Variants in SAMMSON observed in about 807,000 individuals in gnomAD.
The protein encoded by SAMMSON is survival associated mitochondrial melanoma specific oncogenic non-coding RNA.
chr3:70,234,277 A>G (rs1380319805), intron 4 of SAMMSON, among the ~76,000 whole-genome samples: 1 of 152,154 alleles, frequency 6.6e-6, no homozygotes, highest in African/African-American at 2.4e-5. Flanking sequence ...TATTTAGTCA[A>G]CTCATGTTTA....
intron 6 of SAMMSON, among the ~76,000 whole-genome samples, chr3:70,252,352 C>A (rs1051481082): frequency 2.6e-5 from 4 of 152,238 alleles, no homozygotes; most frequent in African/African-American, 9.6e-5. Context: ...ATAGGTGTCA[C>A]CCCATTTGCT....
chr3:70,177,290 G>C (rs1576144859), intron 4 of SAMMSON, among the ~76,000 whole-genome samples: 1 of 152,266 alleles, frequency 6.6e-6, no homozygotes, highest in Middle Eastern at 3.4e-3. Context: ...CCTGTGTGCT[G>C]AAAGATCTGC....
intron 4 of SAMMSON, among the ~76,000 whole-genome samples, chr3:70,211,446 TTTCCC>T (rs1404742833): frequency 1.0e-5 from 1 of 96,328 alleles, no homozygotes; most frequent in Non-Finnish European, 2.2e-5. Context: ...CTTCCCTTCC[TTTCCC>T]TTCCCTTCCC....
intron 9 of SAMMSON, among the ~76,000 whole-genome samples, chr3:70,388,129 T>C (rs1559578664): frequency 6.6e-6 from 1 of 152,156 alleles, no homozygotes; most frequent in Non-Finnish European, 1.5e-5. Flanking sequence ...TTTAAGACTC[T>C]GAGAAGATGC....
chr3:70,130,032 T>G (rs910917731), intron 4 of SAMMSON, among the ~76,000 whole-genome samples: 4 of 152,190 alleles, frequency 2.6e-5, no homozygotes, highest in African/African-American at 9.6e-5. Context: ...ATCAATGGAA[T>G]GGCAATATAC....
intron 6 of SAMMSON, among the ~76,000 whole-genome samples, chr3:70,289,357 T>G (rs1477968259): frequency 1.9e-4 from 29 of 151,204 alleles, no homozygotes; most frequent in African/African-American, 7.0e-4. Flanking sequence ...GGGTTGAAAA[T>G]TCTTTTCTTT....
chr3:70,299,473 C>A (rs1403077), intron 7 of SAMMSON, among the ~76,000 whole-genome samples: 31,538 of 151,934 alleles, frequency 0.21, 3,468 homozygotes, highest in South Asian at 0.28. Context: ...GCACATACCC[C>A]TAGAGACATA....
In SAMMSON at chr3:70,061,402, G is replaced by A. The variant is rs919685975; in HGVS notation, n.418-10074G>A. ...TACAGATGTGTTTTGTTTGGCCTGCGTAATGTTTAAAAAATCTTTAAGATT... is the reference window on the plus strand; with the variant it reads ...TACAGATGTGTTTTGTTTGGCCTGCATAATGTTTAAAAAATCTTTAAGATT... On this transcript the variant is annotated intron_variant and non_coding_transcript_variant, in intron 3 of 9. Transcript: ENST00000642114. 3.3e-4 allele frequency among the ~76,000 whole-genome samples: 50 copies of A among 152,082 alleles called. 1 individual carries two copies. Among genetic ancestry groups the A allele is most frequent in the Non-Finnish European group, 3.8e-4 (26 of 68,004 alleles).
At chr3:70,038,251 T>C (rs902250380) in intron 3 of SAMMSON, among the ~76,000 whole-genome samples, 1 of 152,140 alleles carries the variant, frequency 6.6e-6, no homozygotes, top group Non-Finnish European at 1.5e-5. Flanking sequence ...AGAATGCCCT[T>C]TGTTGTGGGT....
At chr3:70,040,042 CT>C (rs147362016) in intron 3 of SAMMSON, among the ~76,000 whole-genome samples, 2,171 of 152,104 alleles carry the variant, frequency 0.014, 43 homozygotes, top group African/African-American at 0.051. Flanking sequence ...GTGATTTCAA[CT>C]TTTTGGGCTT....
chr3:70,414,586 G>C (rs1409970772), intron 2 of SAMMSON, among the ~76,000 whole-genome samples: 6 of 152,098 alleles, frequency 3.9e-5, no homozygotes, highest in African/African-American at 1.4e-4. Context: ...AGTTATGAGA[G>C]AATCAAAATC....
chr3:70,356,684 C>T (rs934916102), intron 8 of SAMMSON, among the ~76,000 whole-genome samples: 1 of 151,952 alleles, frequency 6.6e-6, no homozygotes, highest in Admixed American at 6.6e-5. Flanking sequence ...AAATACCTAT[C>T]CTTTTTGTTT....
intron 7 of SAMMSON, among the ~76,000 whole-genome samples, chr3:70,333,976 T>A (rs530123174): frequency 1.3e-5 from 2 of 152,360 alleles, no homozygotes; most frequent in African/African-American, 4.8e-5. Flanking sequence ...GTGGGGAATC[T>A]TCACTGAAAA....
chr3:70,359,136 C>G (rs911346584), intron 9 of SAMMSON, among the ~76,000 whole-genome samples: 1 of 152,014 alleles, frequency 6.6e-6, no homozygotes, highest in Non-Finnish European at 1.5e-5. Context: ...TCTCCTCTTG[C>G]AAAAATGATT....
intron 4 of SAMMSON, among the ~76,000 whole-genome samples, chr3:70,194,739 A>G (rs1701159481): frequency 6.6e-6 from 1 of 152,222 alleles, no homozygotes; most frequent in South Asian, 2.1e-4. Flanking sequence ...ATTTGAGGGT[A>G]TGTAGAGTAG....
At chr3:70,354,626 T>A (rs1423347018) in intron 8 of SAMMSON, among the ~76,000 whole-genome samples, 3 of 152,326 alleles carry the variant, frequency 2.0e-5, no homozygotes, top group East Asian at 3.9e-4. Flanking sequence ...GGGCTTCAGC[T>A]GCTGAGCTGG....
chr3:70,133,954 A>G (rs1197826702), intron 4 of SAMMSON, among the ~76,000 whole-genome samples: 5 of 152,070 alleles, frequency 3.3e-5, no homozygotes, highest in African/African-American at 1.2e-4. Context: ...GTAAAATTAA[A>G]CAAAATGGGC....
At chr3:70,071,911 T>C (rs2067231409) in intron 4 of SAMMSON, 1 of 152,122 alleles carries the variant, frequency 6.6e-6, no homozygotes, top group South Asian at 2.1e-4. Context: ...ATAGACAATG[T>C]TGTGGCTTTT....
chr3:70,180,875 G>C (rs529322155), intron 4 of SAMMSON, among the ~76,000 whole-genome samples: 4 of 152,292 alleles, frequency 2.6e-5, no homozygotes, highest in African/African-American at 9.6e-5. Flanking sequence ...AATTTAAATT[G>C]AGGTTTCGGT....
Sources: gnomAD v4.1 joint callset for allele counts (sites outside exome capture counted in the v4.1 genomes callset) on GRCh38, gnomAD v4.1.1 for gene constraint, MANE v1.5 for transcripts, NCBI Gene and HGNC (gene_info 2026-07-23, HGNC 2026-07-21) for gene names.